The following WRAP53 variants were observed in gnomAD, a reference collection of about 807,000 sequenced individuals.
WRAP53 encodes telomerase Cajal body protein 1.
Under a neutral mutation model 56.6 loss-of-function variants are expected in WRAP53, and 28 were observed. The observed-to-expected ratio is 0.50, with a 90% CI of 0.37 to 0.68. The LOEUF (loss-of-function observed/expected upper bound fraction) is 0.68. WRAP53 is among the 30% of genes least tolerant of loss of function. WRAP53 has a pLI of 0.00. For synonymous variants in WRAP53, 283 were observed against 283.4 expected, an observed-to-expected ratio of 1.00 and a Z score of 0.01; for missense variants, 671 against 715.5, an observed-to-expected ratio of 0.94 and a Z score of 0.71.
Position 7,702,903 on chromosome 17 carries a change from G to C in WRAP53, c.1268+57G>C. ...CCCTGATAAGCCTAGGAATGCCAGA[G>C]CCCAGCTGTAGGGTCCCAGTCCCTG... On this transcript the variant is annotated intron_variant, in intron 9 of 10. Coordinates refer to ENST00000396463, the MANE Select transcript of WRAP53 (RefSeq NM_001143992.2). The surrounding 1 kb of genome is among the most constrained non-coding windows in gnomAD (Gnocchi z 5.0). 6.2e-7 allele frequency: 1 copy of C among 1,612,916 alleles called. No individual in the cohort carries two copies. The highest frequency in any genetic ancestry group is 1.7e-5 in the Admixed American group (1 of 60,002).
intron 4 of WRAP53, among the ~76,000 whole-genome samples, chr17:7,692,993 G>A (rs1180175217): frequency 2.0e-5 from 3 of 150,778 alleles, no homozygotes; most frequent in African/African-American, 7.3e-5. Flanking sequence ...CTCCTGCCTC[G>A]GCCTCCCAAA....
rs1337690387 is a variant in WRAP53, at chr17:7,698,155, A to G, written c.643-2586A>G. The stretch of plus-strand genomic sequence containing the variant: ...GCTTTGGGAAAGAAATTGACATTAT[A>G]GTATCTTACAAAGTTTGCAAAGTGC... On this transcript the variant is annotated intron_variant, in intron 4 of 10. Coordinates refer to ENST00000396463, the MANE Select transcript of WRAP53 (RefSeq NM_001143992.2). 3.3e-5 allele frequency among the ~76,000 whole-genome samples: 5 copies of G among 152,324 alleles called. No individual in the cohort carries two copies. The East Asian group carries it at 7.7e-4, about 24-fold the overall frequency.
At position 7,703,451 on chromosome 17, in the gene WRAP53, G is replaced by T; in HGVS notation, c.1612G>T (p.Gly538Ter). Residue 538 changes from glycine (G) to a stop codon, truncating the protein, a stop_gained, in exon 11 of 11, where the codon GGA (glycine) becomes TGA (stop). Coordinates refer to ENST00000396463, the MANE Select transcript of WRAP53 (RefSeq NM_001143992.2). LOFTEE classifies it high-confidence loss of function. ...PDDHQGEKGQGGTEGGVGELI is the reference protein window; with the variant it reads ...PDDHQGEKGQ Reference sequence around the variant, plus strand: ...TGATCACCAGGGCGAGAAAGGGCAGGGAGGAACGGAGGGAGGTGTGGGTGA... The same window carrying T: ...TGATCACCAGGGCGAGAAAGGGCAGTGAGGAACGGAGGGAGGTGTGGGTGA... 6.2e-7 allele frequency: 1 copy of T among 1,613,736 alleles called. No individual in the cohort carries two copies. The highest frequency in any genetic ancestry group is 8.5e-7 in the Non-Finnish European group (1 of 1,179,946).
chr17:7,698,418 TATATG>T (rs2074214633), intron 4 of WRAP53, among the ~76,000 whole-genome samples: 1 of 152,158 alleles, frequency 6.6e-6, no homozygotes, highest in Admixed American at 6.5e-5. Context: ...CAGAGGGATG[TATATG>T]ATATAATACC....
chr17:7,687,229 C>T (rs17886250), upstream of WRAP53: 1,030 of 397,884 alleles, frequency 2.6e-3, 5 homozygotes, highest in African/African-American at 0.02. Context: ...GATGATCCCT[C>T]TAGCCAAGCT....
Position 7,702,319 on chromosome 17 carries a change from C to T in WRAP53, c.956-25C>T. 3 of 1,613,834 alleles carry T rather than the reference C, an allele frequency of 1.9e-6. No homozygotes were observed. Among genetic ancestry groups the T allele is most frequent in the South Asian group, 1.1e-5 (1 of 91,056 alleles). Reference sequence around the variant, plus strand: ...AGTGCCAGGAGCCATTGCCCCCTCCCCCACTTTGTTCCTTCCCTCTCTAGC... The same window carrying T: ...AGTGCCAGGAGCCATTGCCCCCTCCTCCACTTTGTTCCTTCCCTCTCTAGC... On this transcript the variant is annotated intron_variant, in intron 7 of 10. Transcript: ENST00000396463. The surrounding 1 kb of genome is among the most constrained non-coding windows in gnomAD (Gnocchi z 5.0).
rs2074302659 is a variant in WRAP53 at position 7,703,391 on chromosome 17, TG to T, written c.1554del (p.Trp518CysfsTer30). On this transcript the variant is annotated frameshift_variant, in exon 11 of 11. Transcript: ENST00000396463. LOFTEE classifies it low-confidence loss of function (END_TRUNC). The stretch of plus-strand genomic sequence containing the variant: ...CCTTGAATGTCGGCTTCAGCTCTGG[TG>T]GTGTGGGGGGGCGCCAGACTCCAGC... Reference protein sequence around the residue: ...VHLECRLQLWWCGGAPDSSIP... With the variant: ...VHLECRLQLWXCGGAPDSSIP... The T allele has an allele frequency of 6.2e-7, 1 of 1,612,898 alleles. No individual in the cohort carries two copies. The highest frequency in any genetic ancestry group is 1.3e-5 in the African/African-American group (1 of 74,462).
chr17:7,688,655 A>C lies in WRAP53; in HGVS notation c.7A>C (p.Thr3Pro). The C allele has an allele frequency of 6.2e-7, 1 of 1,614,182 alleles. No homozygotes were observed. The change falls in exon 2 of 11, where the codon ACT becomes CCT. Residue 3 changes from threonine to proline, a missense_variant. Thr to Pro is a conservative substitution (Grantham distance 38). Around this residue, in one of 3 missense-constraint regions of WRAP53, gnomAD observed 406 missense variants for 418.5 expected, o/e 0.97. Coordinates refer to ENST00000396463, the MANE Select transcript of WRAP53 (RefSeq NM_001143992.2). ...GCTGTGCTTCCTCTGCAGTATGAAG[A>C]CTTTGGAGACTCAACCGTTAGCTCC... MK[T>P]LETQPLAPDC...
At chr17:7,699,512 A>ATT (rs1370047174) in intron 4 of WRAP53, among the ~76,000 whole-genome samples, 3 of 25,952 alleles carry the variant, frequency 1.2e-4, no homozygotes, top group Non-Finnish European at 1.9e-4. Context: ...TTATATATAT[A>ATT]TATATATATT....
rs201527707 is a variant in WRAP53, at chr17:7,701,800, G to A, written c.955+11G>A. On this transcript the variant is annotated intron_variant, in intron 7 of 10. Transcript: ENST00000396463. The surrounding 1 kb of genome is among the most constrained non-coding windows in gnomAD (Gnocchi z 4.2). ...TCCGAGCCACATTTGGTAAGCATCT[G>A]TGCCTCCAAGGGAGGAGGAGAGGGA... 1.3e-5 allele frequency: 21 copies of A among 1,613,062 alleles called. No individual in the cohort carries two copies. The East Asian group carries it at 3.3e-4, about 26-fold the overall frequency.
In WRAP53 at chr17:7,693,587, C is replaced by T. The variant is rs538033307; in HGVS notation, c.642+3886C>T. On this transcript the variant is annotated intron_variant, in intron 4 of 10. Transcript: ENST00000396463. ...TACAAAAATTAGCCGGGCTTAGTGGCGGGCGCCTGTAATCCCAGCTACTTG... is the reference window on the plus strand; with the variant it reads ...TACAAAAATTAGCCGGGCTTAGTGGTGGGCGCCTGTAATCCCAGCTACTTG... 5.3e-5 allele frequency among the ~76,000 whole-genome samples: 8 copies of T among 151,908 alleles called. No individual in the cohort carries two copies. In the South Asian group the frequency reaches 1.2e-3, roughly 24 times the overall value.
At chr17:7,698,535 C>T (rs535880467) in intron 4 of WRAP53, among the ~76,000 whole-genome samples, 7 of 151,946 alleles carry the variant, frequency 4.6e-5, no homozygotes, top group African/African-American at 1.7e-4. Flanking sequence ...AGTTTTAGAC[C>T]AGCGTGAGCA....
At chr17:7,699,496 ATATATTTATATATATATATATATATTTAT>A (rs2074239931) in intron 4 of WRAP53, among the ~76,000 whole-genome samples, 7 of 12,200 alleles carry the variant, frequency 5.7e-4, no homozygotes, top group African/African-American at 2.9e-3. Context: ...ATATATATAT[ATATATTTATATATATATATATATATTTAT>A]ATATATATAT....
At chr17:7,689,756 T>C in intron 4 of WRAP53, 55 bp downstream of exon 4, 1 of 1,421,958 alleles carries the variant, frequency 7.0e-7, no homozygotes, top group Non-Finnish European at 9.9e-7. Context: ...AAGTCCTTCG[T>C]GGAGATGGAA....
chr17:7,694,013 T>A (rs2151089600), intron 4 of WRAP53, among the ~76,000 whole-genome samples: 1 of 152,248 alleles, frequency 6.6e-6, no homozygotes, highest in South Asian at 2.1e-4. Context: ...TCAGGCCTGG[T>A]GGCTCACGCC....
At position 7,689,283 on chromosome 17, in the gene WRAP53, T is replaced by TCAG. The variant is rs758386953; in HGVS notation, c.494_496dup (p.Ser165dup). 4.3e-6 allele frequency: 7 copies of TCAG among 1,614,022 alleles called. No individual in the cohort carries two copies. In the South Asian group the frequency reaches 7.7e-5, roughly 18 times the overall value. ...TTTCTCAGTGGTTCCTGGTCAGAGT[T>TCAG]CAGCACCCAACCTGAGAACTTCTTG... On this transcript the variant is annotated inframe_insertion, in exon 3 of 11. Coordinates refer to ENST00000396463, the MANE Select transcript of WRAP53 (RefSeq NM_001143992.2).
At chr17:7,697,809 C>T (rs1398299590) in intron 4 of WRAP53, among the ~76,000 whole-genome samples, 1 of 151,946 alleles carries the variant, frequency 6.6e-6, no homozygotes, top group Non-Finnish European at 1.5e-5. Flanking sequence ...CATTTCACCA[C>T]CTTCAAATTG....
intron 4 of WRAP53, among the ~76,000 whole-genome samples, chr17:7,695,046 G>A (rs187939963): frequency 0.01 from 1,567 of 151,746 alleles, 13 homozygotes; most frequent in Non-Finnish European, 0.014. Flanking sequence ...TCCGCCTCCC[G>A]GGTTCACGCC....
At chr17:7,698,939 C>T (rs2074221602) in intron 4 of WRAP53, among the ~76,000 whole-genome samples, 1 of 151,288 alleles carries the variant, frequency 6.6e-6, no homozygotes, top group Admixed American at 6.6e-5. Context: ...GCTTATATTC[C>T]CAGTTACTAG....
Sources: allele counts gnomAD v4.1 joint callset (sites outside exome capture counted in the v4.1 genomes callset), GRCh38; gene constraint gnomAD v4.1.1; regional missense constraint gnomAD v4.1.1; non-coding constraint Gnocchi (gnomAD v3.1); transcripts MANE v1.5; gene names NCBI Gene and HGNC (gene_info 2026-07-23, HGNC 2026-07-21).